Variants in GSR observed in about 807,000 individuals in gnomAD.
GSR encodes glutathione reductase, mitochondrial.
GSR carries 48 observed loss-of-function variants against 56.5 expected under a neutral mutation model. The observed-to-expected ratio is 0.85, with a 90% CI of 0.67 to 1.08. The LOEUF is 1.08. GSR is among the 50% of genes least tolerant of loss of function. The pLI is 0.00. For missense variants in GSR, 694 were observed against 703.3 expected (o/e 0.99, Z 0.15); for synonymous variants, 264 against 270.8 (o/e 0.97, Z 0.25).
chr8:30,684,289 A>T, intron 9 of GSR, 90 bp from the exon 10 acceptor site: 1 of 802,716 alleles, frequency 1.2e-6, no homozygotes, highest in Non-Finnish European at 2.3e-6. Flanking sequence ...CTCATTTCAC[A>T]TGGGAACTGC....
chr8:30,690,503 G>A (rs1437636995), intron 8 of GSR, among the ~76,000 whole-genome samples: 3 of 152,002 alleles, frequency 2.0e-5, no homozygotes, highest in Non-Finnish European at 4.4e-5. Flanking sequence ...AGTAAGACTT[G>A]GGTTTGGAGA....
At chr8:30,726,124 T>C (rs1260906092) in intron 1 of GSR, among the ~76,000 whole-genome samples, 1 of 152,142 alleles carries the variant, frequency 6.6e-6, no homozygotes, top group Non-Finnish European at 1.5e-5. Context: ...AAAGTGCAAG[T>C]TGATAATTAA....
intron 1 of GSR, among the ~76,000 whole-genome samples, chr8:30,712,696 C>G (rs1266838673): frequency 6.6e-6 from 1 of 152,106 alleles, no homozygotes; most frequent in Non-Finnish European, 1.5e-5. Flanking sequence ...GAAACACACA[C>G]ACAAAGAAAG....
intron 3 of GSR, among the ~76,000 whole-genome samples, chr8:30,708,781 C>CCCGTCTCTA (rs1480820535): frequency 6.6e-6 from 1 of 151,110 alleles, no homozygotes; most frequent in Non-Finnish European, 1.5e-5. Flanking sequence ...ACAGTGAAAT[C>CCCGTCTCTA]CCGTCTCTAC....
rs2128741436 is a variant in GSR at position 30,692,843 on chromosome 8, C to T, written c.882+126G>A. On this transcript the variant is annotated intron_variant, in intron 8 of 12. Coordinates refer to ENST00000221130, the MANE Select transcript of GSR (RefSeq NM_000637.5). ...GGAGGAAGGAAATAATAGGGAGTAC[C>T]CTAGAGGTGGAATATATGGACCGGG... The T allele has an allele frequency of 4.1e-6, 3 of 734,168 alleles. No homozygotes were observed. The South Asian group carries it at 4.3e-5, about 10-fold the overall frequency. 45.5% of individuals were successfully genotyped at this position (734,168 alleles called of 1,614,324 possible).
intron 5 of GSR, among the ~76,000 whole-genome samples, chr8:30,701,960 G>A (rs749992441): frequency 5.3e-5 from 8 of 151,516 alleles, no homozygotes; most frequent in Non-Finnish European, 1.0e-4. Context: ...CCATCTAAAC[G>A]TCCTGGTCAA....
At chr8:30,702,984 G>A in intron 5 of GSR, 109 bp downstream of exon 5, 1 of 1,152,832 alleles carries the variant, frequency 8.7e-7, no homozygotes, top group South Asian at 1.2e-5. Context: ...CCCATGGCCT[G>A]GCTCCAAAGA....
At chr8:30,703,372 T>C in intron 4 of GSR, 132 bp from the exon 5 acceptor site, 2 of 873,362 alleles carry the variant, frequency 2.3e-6, no homozygotes, top group Non-Finnish European at 3.7e-6. Context: ...CAATTCTCCG[T>C]TTTTCAAGTT....
At chr8:30,718,869 C>T (rs1261088992) in intron 1 of GSR, among the ~76,000 whole-genome samples, 3 of 151,954 alleles carry the variant, frequency 2.0e-5, no homozygotes, top group Non-Finnish European at 4.4e-5. Flanking sequence ...CTTAGCTTCC[C>T]GAGTAGCTGA....
intron 10 of GSR, 79 bp downstream of exon 10, chr8:30,684,009 C>T: frequency 2.5e-6 from 2 of 807,030 alleles, no homozygotes; most frequent in South Asian, 2.7e-5. Flanking sequence ...CTTAAGCAGA[C>T]TGCAGATTTG....
Position 30,679,852 on chromosome 8 carries a change from C to T in GSR, c.1420-183G>A, listed in dbSNP as rs8191037. ...TCCCGAGTAGCTGGGATTACAGGCG[C>T]GCACCACCACGCCTGGCTAATTTTG... On this transcript the variant is annotated intron_variant, in intron 12 of 12. Coordinates refer to ENST00000221130, the MANE Select transcript of GSR (RefSeq NM_000637.5). Among the ~76,000 whole-genome samples, 49 of 151,728 alleles carry T rather than the reference C, an allele frequency of 3.2e-4. No homozygotes were observed. In the East Asian group the frequency reaches 4.7e-3, roughly 14 times the overall value.
chr8:30,701,468 G>GAACA (rs1002816081), intron 5 of GSR, among the ~76,000 whole-genome samples: 4 of 140,054 alleles, frequency 2.9e-5, no homozygotes, highest in East Asian at 2.2e-4. Flanking sequence ...CTCTGTCTCT[G>GAACA]AACAAACAAA....
At position 30,680,998 on chromosome 8, in the gene GSR, G is replaced by A; in HGVS notation, c.1325C>T (p.Thr442Ile). ...IHKYGIENVKTYSTSFTPMYH... is the reference protein window; with the variant it reads ...IHKYGIENVKIYSTSFTPMYH... Reference sequence around the variant, plus strand: ...CATCGGGGTAAAGCTCGTTGAATAGGTCTTCACATTTTCTATTCCATATTT... The same window carrying A: ...CATCGGGGTAAAGCTCGTTGAATAGATCTTCACATTTTCTATTCCATATTT... Residue 442 changes from threonine (T) to isoleucine (I), a missense_variant, in exon 12 of 13, where the codon ACC (threonine) becomes ATC (isoleucine). Transcript: ENST00000221130. 6.2e-7 allele frequency: 1 copy of A among 1,608,116 alleles called. No homozygotes were observed. The highest frequency in any genetic ancestry group is 8.5e-7 in the Non-Finnish European group (1 of 1,174,846).
chr8:30,718,888 G>A (rs1222776452), intron 1 of GSR, among the ~76,000 whole-genome samples: 2 of 150,810 alleles, frequency 1.3e-5, no homozygotes, highest in African/African-American at 4.9e-5. Flanking sequence ...GAGATTATAG[G>A]CACGCACCAC....
intron 7 of GSR, among the ~76,000 whole-genome samples, chr8:30,694,572 T>C (rs1374545099): frequency 2.0e-5 from 3 of 152,070 alleles, no homozygotes; most frequent in African/African-American, 7.2e-5. Context: ...GGCAGGAGGA[T>C]AGCTTGAGGC....
chr8:30,724,129 T>C (rs1000415271), intron 1 of GSR, among the ~76,000 whole-genome samples: 1 of 152,162 alleles, frequency 6.6e-6, no homozygotes, highest in Admixed American at 6.5e-5. Context: ...CCTAACACTT[T>C]CGGAGACCAA....
At chr8:30,696,586 C>A in intron 6 of GSR, 107 bp from the exon 7 acceptor site, 1 of 767,922 alleles carries the variant, frequency 1.3e-6, no homozygotes, top group South Asian at 1.4e-5. Flanking sequence ...CTTATTATAC[C>A]CCTTGATCAG....
chr8:30,694,897 CAAAA>C (rs780570686), intron 7 of GSR, among the ~76,000 whole-genome samples: 1 of 100,064 alleles, frequency 1.0e-5, no homozygotes. Context: ...GACTCTGTCT[CAAAA>C]AAAAAAAAAA....
chr8:30,699,594 C>T (rs1489681234), intron 6 of GSR, among the ~76,000 whole-genome samples: 2 of 151,878 alleles, frequency 1.3e-5, no homozygotes, highest in Non-Finnish European at 2.9e-5. Context: ...CAGGCCCACA[C>T]CACCACACCC....
Sources: allele counts gnomAD v4.1 joint callset (sites outside exome capture counted in the v4.1 genomes callset), GRCh38; gene constraint gnomAD v4.1.1; transcripts MANE v1.5; gene names NCBI Gene and HGNC (gene_info 2026-07-23, HGNC 2026-07-21).